DDX21: variants seen among roughly 807,000 people sequenced by gnomAD.
DDX21 encodes nucleolar RNA helicase 2.
A neutral mutation model predicts 90.0 loss-of-function variants in DDX21; 18 were observed. That is an observed-to-expected ratio of 0.20 (90% CI 0.14 to 0.30). The LOEUF (loss-of-function observed/expected upper bound fraction) is 0.30. Ranked by LOEUF, DDX21 falls within the 10% of genes least tolerant of loss-of-function variation. The pLI is 1.00. For synonymous variants in DDX21, 294 were observed against 318.0 expected (o/e 0.92, Z 0.80); for missense variants, 673 against 944.5 (o/e 0.71, Z 3.77).
chr10:68,956,251 C>A lies in DDX21; in HGVS notation c.26C>A (p.Ala9Asp), dbSNP rs151300499. The A allele has an allele frequency of 2.4e-5, 39 of 1,614,046 alleles. No individual in the cohort carries two copies. The highest frequency in any genetic ancestry group is 3.0e-5 in the Non-Finnish European group (35 of 1,180,026). MPGKLRSDAGLESDTAMKK... is the reference protein window; with the variant it reads MPGKLRSDDGLESDTAMKK... ...ATGCCGGGAAAACTCCGTAGTGACG[C>A]TGGTTTGGAATCAGACACCGCAATG... Residue 9 changes from alanine to aspartate, a missense_variant, in exon 1 of 15, where the codon GCT (alanine) becomes GAT (aspartate). Physicochemically the swap from Ala to Asp is moderately radical, Grantham distance 126. This residue lies in a region of DDX21 where 204 missense variants were observed against 221.6 expected (regional missense o/e 0.92). Transcript: ENST00000354185.
chr10:68,956,267 C>T lies in DDX21; in HGVS notation c.42C>T (p.Asp14=), dbSNP rs1564623758. The T allele has an allele frequency of 6.2e-7, 1 of 1,614,146 alleles. No homozygotes were observed. The highest frequency in any genetic ancestry group is 1.1e-5 in the South Asian group (1 of 91,084). The part of the protein sequence containing the change: ...KLRSDAGLES[D]TAMKKGETLR... ...GTAGTGACGCTGGTTTGGAATCAGA[C>T]ACCGCAATGAAAAAAGGGGAGACAC... Residue 14 remains aspartate (D), a synonymous_variant, in exon 1 of 15, where the codon GAC becomes GAT. Transcript: ENST00000354185.
At chr10:68,979,897 A>T (rs1003620887) in intron 13 of DDX21, among the ~76,000 whole-genome samples, 1 of 152,190 alleles carries the variant, frequency 6.6e-6, no homozygotes, top group Admixed American at 6.5e-5. Flanking sequence ...AGCAGTGCCC[A>T]GTACACCATG....
chr10:68,956,859 A>G, intron 1 of DDX21: 1 of 664,480 alleles, frequency 1.5e-6, no homozygotes, highest in Non-Finnish European at 1.9e-6. Flanking sequence ...TGGCCAACAT[A>G]GTGAAATCCC....
At chr10:68,975,830 C>T in intron 11 of DDX21, among the ~76,000 whole-genome samples, 1 of 151,912 alleles carries the variant, frequency 6.6e-6, no homozygotes. Context: ...GGGTGGATTA[C>T]CTGAGGTCAG....
chr10:68,973,742 T>G (rs1002627440), intron 10 of DDX21, 78 bp downstream of exon 10: 2 of 1,516,756 alleles, frequency 1.3e-6, no homozygotes, highest in Non-Finnish European at 1.8e-6. Context: ...TTTTATCCAC[T>G]TTAAAATATT....
intron 4 of DDX21, chr10:68,964,125 AGCATGAATGG>A: frequency 4.7e-6 from 2 of 428,418 alleles, no homozygotes; most frequent in South Asian, 3.4e-5. Flanking sequence ...AAAAAAGAAA[AGCATGAATGG>A]AAAGAAGGGC....
At position 68,975,938 on chromosome 10, in the gene DDX21, A is replaced by G. The variant is rs1455401443; in HGVS notation, c.1742+1195A>G. Among the ~76,000 whole-genome samples the G allele has an allele frequency of 2.0e-5, 3 of 151,956 alleles. No homozygotes were observed. The South Asian group carries it at 6.2e-4, about 32-fold the overall frequency. ...GTTGCGCACGCCTATAATCCCAGGT[A>G]CTTGGGAGGCTGAGGCAGGAGAATC... On this transcript the variant is annotated intron_variant, in intron 11 of 14. Coordinates refer to ENST00000354185, the MANE Select transcript of DDX21 (RefSeq NM_004728.4).
intron 2 of DDX21, among the ~76,000 whole-genome samples, chr10:68,961,561 A>G (rs1228550649): frequency 3.9e-5 from 6 of 152,190 alleles, no homozygotes; most frequent in African/African-American, 1.4e-4. Flanking sequence ...TTCCTCGTTA[A>G]GTACGCTTAA....
At chr10:68,965,625 T>A (rs757898229) in intron 5 of DDX21, 131 bp downstream of exon 5, 38 of 661,202 alleles carry the variant, frequency 5.7e-5, no homozygotes, top group Non-Finnish European at 8.0e-5. Flanking sequence ...CTTTTGCCAT[T>A]GTTTAAACAT....
At chr10:68,982,009 G>A (rs1843199266) in intron 14 of DDX21, among the ~76,000 whole-genome samples, 2 of 152,068 alleles carry the variant, frequency 1.3e-5, no homozygotes, top group African/African-American at 4.8e-5. Context: ...AAGTAGCTGG[G>A]ATTATAGGCC....
Position 68,982,840 on chromosome 10 carries a change from AAG to A in DDX21, c.*32_*33del, listed in dbSNP as rs1843214033. On this transcript the variant is annotated 3_prime_UTR_variant, in exon 15 of 15. Coordinates refer to ENST00000354185, the MANE Select transcript of DDX21 (RefSeq NM_004728.4). Reference sequence around the variant, plus strand: ...AGAAATAGAAGATTTATATAGCAAAAAGAGAATGATGTTTGGCAATATAGAAC... The same window carrying A: ...AGAAATAGAAGATTTATATAGCAAAAAGAATGATGTTTGGCAATATAGAAC... The A allele has an allele frequency of 1.9e-6, 3 of 1,609,712 alleles. No homozygotes were observed. The highest frequency in any genetic ancestry group is 1.1e-5 in the South Asian group (1 of 90,952).
At chr10:68,961,722 T>G (rs1192891063) in intron 2 of DDX21, among the ~76,000 whole-genome samples, 1 of 152,238 alleles carries the variant, frequency 6.6e-6, no homozygotes, top group Non-Finnish European at 1.5e-5. Context: ...CAAGAGATGC[T>G]GCTTTGGAAG....
At chr10:68,968,315 G>A (rs917614091) in intron 6 of DDX21, among the ~76,000 whole-genome samples, 1 of 152,146 alleles carries the variant, frequency 6.6e-6, no homozygotes, top group South Asian at 2.1e-4. Flanking sequence ...CACCATGCCT[G>A]GCTAATGTTT....
intron 5 of DDX21, 152 bp downstream of exon 5, chr10:68,965,646 A>G: frequency 3.3e-6 from 2 of 607,836 alleles, no homozygotes; most frequent in Non-Finnish European, 2.9e-6. Context: ...GGTCAAGAAC[A>G]TGGTCCTGCT....
chr10:68,962,011 T>C (rs888345245), intron 2 of DDX21, 71 bp from the exon 3 acceptor site: 34 of 1,254,240 alleles, frequency 2.7e-5, no homozygotes, highest in Non-Finnish European at 3.6e-5. Context: ...GTTTTGTCTC[T>C]TTCTCAGAAG....
chr10:68,962,182 G>A (rs565923544), intron 3 of DDX21, 25 bp downstream of exon 3: 2 of 1,525,076 alleles, frequency 1.3e-6, no homozygotes, highest in Non-Finnish European at 1.8e-6. Context: ...AATATCGTAT[G>A]ATGTTAGAAC....
chr10:68,965,558 T>G, intron 5 of DDX21, 64 bp downstream of exon 5: 2 of 1,225,486 alleles, frequency 1.6e-6, no homozygotes, highest in Non-Finnish European at 2.4e-6. Flanking sequence ...CTGATTGGAT[T>G]TCTTTTCACC....
chr10:68,979,244 T>C (rs1216411261), intron 13 of DDX21, among the ~76,000 whole-genome samples: 1 of 152,220 alleles, frequency 6.6e-6, no homozygotes, highest in Admixed American at 6.5e-5. Flanking sequence ...AAAGTAACTT[T>C]TTCAGAATCT....
intron 11 of DDX21, 36 bp from the exon 12 acceptor site, chr10:68,977,493 T>TA: frequency 6.5e-7 from 1 of 1,550,164 alleles, no homozygotes; most frequent in African/African-American, 1.4e-5. Context: ...TGTCCACTTC[T>TA]AGTATCCTTT....
Sources: gnomAD v4.1 joint callset for allele counts (sites outside exome capture counted in the v4.1 genomes callset) on GRCh38, gnomAD v4.1.1 for gene constraint, gnomAD v4.1.1 regional missense constraint, MANE v1.5 for transcripts, NCBI Gene and HGNC (gene_info 2026-07-23, HGNC 2026-07-21) for gene names.